Variants in ZBTB49 observed in about 807,000 individuals in gnomAD.
The protein encoded by ZBTB49 is zinc finger and BTB domain-containing protein 49.
A neutral mutation model predicts 57.5 loss-of-function variants in ZBTB49; 43 were observed. The ratio of observed to expected loss-of-function variants is 0.75; its 90% CI spans 0.59 to 0.97. ZBTB49 has a LOEUF of 0.97. ZBTB49 is among the 50% of genes least tolerant of loss of function. The pLI, the probability that ZBTB49 is intolerant of heterozygous loss-of-function variation, is 0.00. For missense variants in ZBTB49, 938 were observed against 947.7 expected, an observed-to-expected ratio of 0.99 and a Z score of 0.13; for synonymous variants, 369 against 362.1, an observed-to-expected ratio of 1.02 and a Z score of -0.22.
chr4:4,303,204 G>A (rs1720582278), intron 3 of ZBTB49, 113 bp downstream of exon 3: 1 of 1,282,750 alleles, frequency 7.8e-7, no homozygotes, highest in East Asian at 2.5e-5. Flanking sequence ...TGTCATTGAT[G>A]ATTTTAAACA....
chr4:4,307,000 C>T (rs1029597045), intron 4 of ZBTB49, among the ~76,000 whole-genome samples: 7 of 152,228 alleles, frequency 4.6e-5, no homozygotes, highest in African/African-American at 1.2e-4. Context: ...TGGCAAGCGC[C>T]GTGTTTGCTC....
intron 5 of ZBTB49, 73 bp downstream of exon 5, chr4:4,313,187 T>C: frequency 6.4e-7 from 1 of 1,567,076 alleles, no homozygotes; most frequent in South Asian, 1.2e-5. Context: ...GTCAGTGTCT[T>C]CTGAAGTGGT....
intron 1 of ZBTB49, among the ~76,000 whole-genome samples, chr4:4,290,795 C>A (rs904735965): frequency 3.9e-5 from 6 of 152,260 alleles, no homozygotes; most frequent in Non-Finnish European, 7.3e-5. Flanking sequence ...AGCTCAGTTT[C>A]ATTACGGTGT....
chr4:4,317,675 G>T (rs547752792), intron 7 of ZBTB49, among the ~76,000 whole-genome samples: 4 of 152,020 alleles, frequency 2.6e-5, no homozygotes, highest in East Asian at 1.9e-4. Context: ...CATTTTCTTG[G>T]ATATATAGAC....
At chr4:4,296,282 G>A (rs1720199551) in intron 1 of ZBTB49, among the ~76,000 whole-genome samples, 1 of 150,936 alleles carries the variant, frequency 6.6e-6, no homozygotes, top group Non-Finnish European at 1.5e-5. Context: ...GTGAGTGGCA[G>A]CAAGGTTGCA....
At chr4:4,306,645 T>C (rs1720747883) in intron 4 of ZBTB49, among the ~76,000 whole-genome samples, 2 of 152,202 alleles carry the variant, frequency 1.3e-5, no homozygotes, top group African/African-American at 4.8e-5. Flanking sequence ...TCCATTAAGG[T>C]CATTTGGACA....
At chr4:4,307,712 G>A (rs1433553254) in intron 4 of ZBTB49, among the ~76,000 whole-genome samples, 1 of 152,052 alleles carries the variant, frequency 6.6e-6, no homozygotes, top group African/African-American at 2.4e-5. Flanking sequence ...CTCAGCAGCT[G>A]TGGTTTGATG....
At chr4:4,311,083 C>G (rs1456424014) in intron 4 of ZBTB49, among the ~76,000 whole-genome samples, 1 of 152,028 alleles carries the variant, frequency 6.6e-6, no homozygotes, top group Non-Finnish European at 1.5e-5. Flanking sequence ...ATTCCTGTAT[C>G]AGGGAGAAAG....
chr4:4,311,725 A>G (rs1720987609), intron 4 of ZBTB49, among the ~76,000 whole-genome samples: 1 of 152,158 alleles, frequency 6.6e-6, no homozygotes. Flanking sequence ...ATTGCTGTTG[A>G]TATTTGTTTT....
rs1056956108 is a variant in ZBTB49, at chr4:4,321,164, C to G, written c.2146C>G (p.Leu716Val). 3 of 1,614,106 alleles carry G rather than the reference C, an allele frequency of 1.9e-6. No individual in the cohort carries two copies. The African/African-American group carries it at 4.0e-5, about 22-fold the overall frequency. ...ADGMAMIRSS[L>V]AALDNHGGDP... The stretch of plus-strand genomic sequence containing the variant: ...TGGCATGGCCATGATCCGTTCCTCT[C>G]TGGCTGCTTTGGACAACCACGGCGG... Residue 716 changes from leucine (L) to valine (V), a missense_variant, in exon 8 of 8, where the codon CTG becomes GTG. Around this residue, in one of 3 missense-constraint regions of ZBTB49, gnomAD observed 835 missense variants for 819.1 expected, o/e 1.02. Coordinates refer to ENST00000337872, the MANE Select transcript of ZBTB49 (RefSeq NM_145291.4).
rs758069997 is a variant in ZBTB49 at position 4,315,732 on chromosome 4, T to C, written c.1459+14T>C. 8.7e-6 allele frequency: 14 copies of C among 1,612,192 alleles called. No homozygotes were observed. The highest frequency in any genetic ancestry group is 1.2e-5 in the Non-Finnish European group (14 of 1,179,940). ...TCTGTGGTCGAGGTACAGCTGAGTG[T>C]TTTCCTATTCTTCTTGAAGATTTCT... On this transcript the variant is annotated intron_variant, in intron 6 of 7. Transcript: ENST00000337872.
intron 7 of ZBTB49, among the ~76,000 whole-genome samples, chr4:4,318,338 A>G (rs963047311): frequency 6.6e-6 from 1 of 152,210 alleles, no homozygotes; most frequent in South Asian, 2.1e-4. Context: ...AAACTTGGCC[A>G]GGTGTGGTGG....
intron 5 of ZBTB49, among the ~76,000 whole-genome samples, chr4:4,315,237 C>A (rs1446640911): frequency 2.6e-5 from 4 of 152,182 alleles, no homozygotes; most frequent in Admixed American, 2.6e-4. Flanking sequence ...AGGGTCTGTC[C>A]CGTGAGACCC....
At chr4:4,300,226 G>T in intron 2 of ZBTB49, 129 bp downstream of exon 2, 2 of 1,073,728 alleles carry the variant, frequency 1.9e-6, no homozygotes, top group Non-Finnish European at 1.3e-6. Flanking sequence ...GGATTTTGTA[G>T]GAGTTGTTTT....
intron 4 of ZBTB49, among the ~76,000 whole-genome samples, chr4:4,312,178 CT>C (rs1295691551): frequency 6.6e-6 from 1 of 150,962 alleles, no homozygotes; most frequent in South Asian, 2.1e-4. Context: ...TTTTCTTTTT[CT>C]TTTTTTTGCC....
chr4:4,306,920 A>G (rs1720758792), intron 4 of ZBTB49, among the ~76,000 whole-genome samples: 1 of 152,250 alleles, frequency 6.6e-6, no homozygotes, highest in African/African-American at 2.4e-5. Context: ...TGTCTCACAC[A>G]GCATGGTAGA....
intron 3 of ZBTB49, 36 bp from the exon 4 acceptor site, chr4:4,306,102 A>C: frequency 6.3e-7 from 1 of 1,595,664 alleles, no homozygotes; most frequent in Non-Finnish European, 8.6e-7. Flanking sequence ...AAATACTAGT[A>C]ATGATTTTAC....
intron 4 of ZBTB49, among the ~76,000 whole-genome samples, chr4:4,312,601 A>T (rs1024581414): frequency 6.6e-6 from 1 of 152,230 alleles, no homozygotes; most frequent in African/African-American, 2.4e-5. Flanking sequence ...TATGAACAGA[A>T]GTATGTTTTT....
intron 4 of ZBTB49, among the ~76,000 whole-genome samples, chr4:4,308,108 C>T (rs541213798): frequency 5.9e-5 from 9 of 152,250 alleles, no homozygotes; most frequent in Admixed American, 2.0e-4. Flanking sequence ...GATGGAGCAT[C>T]GCTCTGTCGC....
Sources: gnomAD v4.1 joint callset for allele counts (sites outside exome capture counted in the v4.1 genomes callset) on GRCh38, gnomAD v4.1.1 for gene constraint, gnomAD v4.1.1 regional missense constraint, MANE v1.5 for transcripts, NCBI Gene and HGNC (gene_info 2026-07-23, HGNC 2026-07-21) for gene names.